DLC1: variants seen among roughly 807,000 people sequenced by gnomAD.
DLC1 encodes the protein DLC1 Rho GTPase activating protein.
DLC1 carries 54 observed loss-of-function variants against 140.3 expected under a neutral mutation model. That is an observed-to-expected ratio of 0.38 (90% CI 0.31 to 0.48). The LOEUF (loss-of-function observed/expected upper bound fraction) is 0.48. DLC1 is among the 20% of genes least tolerant of loss of function. The probability of loss-of-function intolerance (pLI) is 0.96; values close to 1 mark genes in which losing one functional copy is unlikely to be tolerated. For missense variants in DLC1, 2,536 were observed against 1,907.0 expected (o/e 1.33, Z -6.14); for synonymous variants, 986 against 728.1 (o/e 1.35, Z -5.70).
chr8:13,532,991 A>C (rs1468392144), intron 1 of DLC1, among the ~76,000 whole-genome samples: 1 of 152,212 alleles, frequency 6.6e-6, no homozygotes, highest in African/African-American at 2.4e-5. Context: ...TGTTTTTGAT[A>C]GCATAACCCA....
chr8:13,262,351 GA>G (rs1163831052), intron 5 of DLC1, among the ~76,000 whole-genome samples: 1 of 151,826 alleles, frequency 6.6e-6, no homozygotes, highest in Non-Finnish European at 1.5e-5. Flanking sequence ...AAATTAGGAG[GA>G]AAATTGATAA....
intron 5 of DLC1, among the ~76,000 whole-genome samples, chr8:13,196,682 C>A (rs1194812999): frequency 6.6e-6 from 1 of 152,216 alleles, no homozygotes; most frequent in African/African-American, 2.4e-5. Context: ...CATCTGTGAT[C>A]ATCTGTGCTT....
intron 2 of DLC1, among the ~76,000 whole-genome samples, chr8:13,477,297 G>C (rs565673835): frequency 6.6e-6 from 1 of 152,278 alleles, no homozygotes; most frequent in South Asian, 2.1e-4. Context: ...TGTAGCTTTG[G>C]TAATTTAAAG....
At chr8:13,575,833 G>T (rs928069668) in intron 1 of DLC1, among the ~76,000 whole-genome samples, 1 of 152,160 alleles carries the variant, frequency 6.6e-6, no homozygotes, top group Admixed American at 6.5e-5. Flanking sequence ...ACAATATCTG[G>T]AATTCTGAAG....
At chr8:13,445,324 GA>G (rs1007781031) in intron 2 of DLC1, among the ~76,000 whole-genome samples, 56 of 152,146 alleles carry the variant, frequency 3.7e-4, no homozygotes, top group Admixed American at 3.6e-3. Flanking sequence ...GATGTGGGAG[GA>G]TAAACGAATG....
At chr8:13,225,322 T>C (rs114662035) in intron 5 of DLC1, among the ~76,000 whole-genome samples, 2 of 152,158 alleles carry the variant, frequency 1.3e-5, no homozygotes, top group Non-Finnish European at 2.9e-5. Flanking sequence ...ACATTTACAT[T>C]TGAAGATTTC....
rs1267409661 is a variant in DLC1, at chr8:13,094,863, T to C, written c.3422A>G (p.Gln1141Arg). Residue 1141 changes from glutamine to arginine, a missense_variant, in exon 12 of 18, where the codon CAG becomes CGG. Transcript: ENST00000276297. Reference protein sequence around the residue: ...GAIDCVNYEGQSAYDVADMLK... With the variant: ...GAIDCVNYEGRSAYDVADMLK... Reference sequence around the variant, plus strand: ...CATGTCTGCCACGTCATAAGCAGACTGTCCTTCGTAGTTGACACAGTCTAT... The same window carrying C: ...CATGTCTGCCACGTCATAAGCAGACCGTCCTTCGTAGTTGACACAGTCTAT... 1 of 1,614,274 alleles carries C rather than the reference T, an allele frequency of 6.2e-7. No homozygotes were observed. The highest frequency in any genetic ancestry group is 8.5e-7 in the Non-Finnish European group (1 of 1,180,050).
intron 1 of DLC1, among the ~76,000 whole-genome samples, chr8:13,564,491 C>G (rs750465344): frequency 6.6e-6 from 1 of 152,162 alleles, no homozygotes; most frequent in Non-Finnish European, 1.5e-5. Context: ...GCTCTGTCAT[C>G]GTAGTCTCTC....
At chr8:13,143,725 C>G (rs1408818636) in intron 5 of DLC1, among the ~76,000 whole-genome samples, 1 of 150,336 alleles carries the variant, frequency 6.7e-6, no homozygotes, top group Non-Finnish European at 1.5e-5. Context: ...GTGACTTTTT[C>G]TTGGGATAAT....
intron 5 of DLC1, among the ~76,000 whole-genome samples, chr8:13,301,700 C>G (rs1200020169): frequency 6.6e-6 from 1 of 152,190 alleles, no homozygotes; most frequent in Non-Finnish European, 1.5e-5. Flanking sequence ...GGTCTGTGAT[C>G]TGTTAGGAAC....
chr8:13,432,613 A>G (rs1838931336), intron 2 of DLC1, among the ~76,000 whole-genome samples: 1 of 152,220 alleles, frequency 6.6e-6, no homozygotes, highest in Non-Finnish European at 1.5e-5. Context: ...GAGGCTGGAA[A>G]ATCTCTTCTG....
intron 5 of DLC1, among the ~76,000 whole-genome samples, chr8:13,236,763 A>C (rs1173631507): frequency 6.6e-6 from 1 of 152,124 alleles, no homozygotes; most frequent in African/African-American, 2.4e-5. Flanking sequence ...TATTAAAATA[A>C]ATACAACTTG....
At chr8:13,335,935 T>C (rs1476588566) in intron 4 of DLC1, among the ~76,000 whole-genome samples, 3 of 152,094 alleles carry the variant, frequency 2.0e-5, no homozygotes, top group Non-Finnish European at 2.9e-5. Flanking sequence ...TTTTCTTTCA[T>C]AAAAATTGTT....
intron 2 of DLC1, among the ~76,000 whole-genome samples, chr8:13,479,673 C>T (rs1445313525): frequency 6.6e-6 from 1 of 151,438 alleles, no homozygotes; most frequent in Non-Finnish European, 1.5e-5. Flanking sequence ...GGCAAGGTGG[C>T]TCACACCTGT....
intron 1 of DLC1, chr8:13,567,691 C>G: frequency 6.4e-7 from 1 of 1,551,956 alleles, no homozygotes; most frequent in East Asian, 2.4e-5. Flanking sequence ...AATAGATGAA[C>G]ATCTTCATAC....
chr8:13,381,805 C>T (rs1018895911), intron 4 of DLC1, among the ~76,000 whole-genome samples: 1 of 152,096 alleles, frequency 6.6e-6, no homozygotes, highest in Non-Finnish European at 1.5e-5. Context: ...CTGTTTTCAG[C>T]CATTAAATTA....
chr8:13,532,699 C>A (rs935873506), intron 1 of DLC1, among the ~76,000 whole-genome samples: 1 of 152,168 alleles, frequency 6.6e-6, no homozygotes, highest in Non-Finnish European at 1.5e-5. Context: ...CAAGTAACCT[C>A]CCACTTCGGC....
intron 5 of DLC1, among the ~76,000 whole-genome samples, chr8:13,293,503 T>C (rs1045384681): frequency 6.6e-5 from 10 of 152,328 alleles, no homozygotes; most frequent in South Asian, 4.1e-4. Flanking sequence ...GCTGAATGCC[T>C]GTATGAGTTG....
At chr8:13,558,093 A>C (rs1804115206) in intron 1 of DLC1, 1 of 152,210 alleles carries the variant, frequency 6.6e-6, no homozygotes, top group South Asian at 2.1e-4. Flanking sequence ...AGGTTGTTTC[A>C]GTAGCTATGA....
Sources: allele counts gnomAD v4.1 joint callset (sites outside exome capture counted in the v4.1 genomes callset), GRCh38; gene constraint gnomAD v4.1.1; transcripts MANE v1.5; gene names NCBI Gene and HGNC (gene_info 2026-07-23, HGNC 2026-07-21).